Variants in NCKAP1 observed in about 807,000 individuals in gnomAD.
NCKAP1 encodes NCK associated protein 1.
Under a neutral mutation model 151.2 loss-of-function variants are expected in NCKAP1, and 21 were observed. That is an observed-to-expected ratio of 0.14 (90% CI 0.10 to 0.20). The LOEUF is 0.20. Among genes scored for constraint, NCKAP1 ranks in the 10% least tolerant of loss-of-function variants. The pLI, the probability that NCKAP1 is intolerant of heterozygous loss-of-function variation, is 1.00. For missense variants in NCKAP1, 933 were observed against 1,352.1 expected (o/e 0.69, Z 4.86); for synonymous variants, 484 against 451.8 (o/e 1.07, Z -0.90).
At chr2:182,959,540 C>T (rs1311357089) in intron 18 of NCKAP1, among the ~76,000 whole-genome samples, 3 of 152,186 alleles carry the variant, frequency 2.0e-5, no homozygotes, top group Non-Finnish European at 2.9e-5. Flanking sequence ...TTCAACAGCC[C>T]TTTATGCTAA....
intron 2 of NCKAP1, among the ~76,000 whole-genome samples, chr2:183,017,977 C>T (rs780333188): frequency 3.3e-5 from 5 of 152,052 alleles, no homozygotes; most frequent in African/African-American, 4.8e-5. Flanking sequence ...TGGCCGGGTG[C>T]GGTGGCTCAT....
intron 29 of NCKAP1, 169 bp from the exon 30 acceptor site, chr2:182,927,074 T>C (rs1696663559): frequency 7.9e-6 from 4 of 505,754 alleles, no homozygotes; most frequent in Non-Finnish European, 1.0e-5. Context: ...AGCAGTAATT[T>C]AGAGAGTAAT....
In NCKAP1 at chr2:182,991,844, A is replaced by C. The variant is rs568986654; in HGVS notation, c.791-2658T>G. Among the ~76,000 whole-genome samples the C allele has an allele frequency of 7.0e-4, 107 of 152,304 alleles. 1 individual carries two copies. Among genetic ancestry groups the C allele is most frequent in the Non-Finnish European group, 8.7e-4 (59 of 68,024 alleles). ...AAAATCTTTCCTAAGGAGTCTCCCA[A>C]GTCCAATCAACAGACCCAAAAATGA... On this transcript the variant is annotated intron_variant, in intron 8 of 30. Transcript: ENST00000361354.
At chr2:183,037,308 G>A (rs930797770) in intron 1 of NCKAP1, among the ~76,000 whole-genome samples, 14 of 152,166 alleles carry the variant, frequency 9.2e-5, no homozygotes, top group African/African-American at 3.4e-4. Context: ...GGAGTACAGG[G>A]GAAAGAGTAG....
chr2:182,951,679 G>A (rs4414644), intron 23 of NCKAP1, among the ~76,000 whole-genome samples: 98,322 of 146,568 alleles, frequency 0.67, 36,087 homozygotes, highest in East Asian at 0.96. Context: ...AAAATATCAA[G>A]ACTCAAGTAA....
chr2:183,012,645 AGTCTCACT>A (rs1266551221), intron 2 of NCKAP1, among the ~76,000 whole-genome samples: 1 of 146,946 alleles, frequency 6.8e-6, no homozygotes, highest in Non-Finnish European at 1.5e-5. Context: ...TTTTAGACAG[AGTCTCACT>A]CTGTCCCAGA....
intron 1 of NCKAP1, among the ~76,000 whole-genome samples, chr2:183,035,757 T>G (rs907094841): frequency 3.9e-5 from 6 of 152,168 alleles, no homozygotes; most frequent in Non-Finnish European, 7.4e-5. Context: ...TTCATTTACA[T>G]GCAAAATTAC....
intron 18 of NCKAP1, among the ~76,000 whole-genome samples, chr2:182,959,716 C>T (rs529223469): frequency 4.4e-4 from 67 of 152,258 alleles, no homozygotes; most frequent in African/African-American, 1.6e-3. Flanking sequence ...CTATTCAACA[C>T]AGTGTTGGAA....
Position 183,038,448 on chromosome 2 carries a change from G to C in NCKAP1, c.-349C>G, listed in dbSNP as rs1008669447. 4.9e-5 allele frequency: 9 copies of C among 184,048 alleles called. No individual in the cohort carries two copies. In the South Asian group the frequency reaches 1.1e-3, roughly 22 times the overall value. The allele number at this position is 184,048 out of a possible 1,614,324, so 11.4% of individuals were successfully genotyped here. On this transcript the variant is annotated 5_prime_UTR_variant, in exon 1 of 31. Coordinates refer to ENST00000361354, the MANE Select transcript of NCKAP1 (RefSeq NM_013436.5). ...CGGCGGCGGCGGCGGCGGCGTCTCC[G>C]GCGGCTGAGAACGAGGCCGCTTCCC...
intron 15 of NCKAP1, among the ~76,000 whole-genome samples, chr2:182,968,572 T>TGATAAAATAGAGGGTTCC (rs1320719358): frequency 2.6e-5 from 4 of 152,196 alleles, no homozygotes; most frequent in African/African-American, 9.7e-5. Flanking sequence ...TTACAGCTGA[T>TGATAAAATAGAGGGTTCC]GATAAAATAG....
In NCKAP1 at chr2:182,914,890, A is replaced by G. The variant is rs1696443627; in HGVS notation, c.*10812T>C. Reference sequence around the variant, plus strand: ...GCTTTGGGTGCTCAGAGGAGCATTGACTACCTTTTCCATCCCTTCCCTTTA... The same window carrying G: ...GCTTTGGGTGCTCAGAGGAGCATTGGCTACCTTTTCCATCCCTTCCCTTTA... On this transcript the variant is annotated 3_prime_UTR_variant, in exon 31 of 31. Coordinates refer to ENST00000361354, the MANE Select transcript of NCKAP1 (RefSeq NM_013436.5). 1 of 152,206 alleles carries G rather than the reference A, an allele frequency of 6.6e-6. No homozygotes were observed. The highest frequency in any genetic ancestry group is 2.4e-5 in the African/African-American group (1 of 41,448). 9.4% of individuals were successfully genotyped at this position (152,206 alleles called of 1,614,324 possible).
At chr2:182,981,990 AAAG>A (rs922165738) in intron 12 of NCKAP1, among the ~76,000 whole-genome samples, 26 of 151,984 alleles carry the variant, frequency 1.7e-4, no homozygotes, top group African/African-American at 4.6e-4. Context: ...ATCTCAAATA[AAAG>A]AAGATTAGCA....
At chr2:182,937,483 AG>A (rs1696902268) in intron 24 of NCKAP1, among the ~76,000 whole-genome samples, 2 of 152,184 alleles carry the variant, frequency 1.3e-5, no homozygotes, top group African/African-American at 4.8e-5. Context: ...ACAGAGAGGG[AG>A]GTAATGCCAG....
At chr2:183,032,040 T>C (rs567933695) in intron 1 of NCKAP1, among the ~76,000 whole-genome samples, 18 of 152,304 alleles carry the variant, frequency 1.2e-4, no homozygotes, top group South Asian at 1.0e-3. Flanking sequence ...GTAGTTAACA[T>C]TGGAACAATT....
intron 1 of NCKAP1, among the ~76,000 whole-genome samples, chr2:183,026,429 C>T (rs1011314662): frequency 5.3e-5 from 8 of 150,740 alleles, no homozygotes; most frequent in Non-Finnish European, 7.4e-5. Context: ...GCTGTAATCA[C>T]ACCACTGTAC....
At chr2:182,977,478 G>A (rs997161365) in intron 14 of NCKAP1, among the ~76,000 whole-genome samples, 1 of 152,060 alleles carries the variant, frequency 6.6e-6, no homozygotes, top group Non-Finnish European at 1.5e-5. Context: ...CAACAGAGCG[G>A]GACTGGGTCT....
At chr2:182,957,390 T>C in intron 19 of NCKAP1, 67 bp downstream of exon 19, 3 of 1,497,082 alleles carry the variant, frequency 2.0e-6, no homozygotes, top group Non-Finnish European at 9.0e-7. Flanking sequence ...AGTACTAATG[T>C]CAATAGAAAA....
At chr2:182,940,214 AATGGGAGAAAAC>A (rs1295534154) in intron 24 of NCKAP1, among the ~76,000 whole-genome samples, 1 of 152,168 alleles carries the variant, frequency 6.6e-6, no homozygotes, top group Admixed American at 6.5e-5. Flanking sequence ...AGTATTAAAA[AATGGGAGAAAAC>A]ATGAAAAAAA....
chr2:182,935,211 AAT>A, intron 25 of NCKAP1, 80 bp downstream of exon 25: 1 of 945,792 alleles, frequency 1.1e-6, no homozygotes, highest in Non-Finnish European at 1.6e-6. Context: ...GCTAAGCATG[AAT>A]CTGAAACTTA....
Sources: gnomAD v4.1 joint callset for allele counts (sites outside exome capture counted in the v4.1 genomes callset) on GRCh38, gnomAD v4.1.1 for gene constraint, MANE v1.5 for transcripts, NCBI Gene and HGNC (gene_info 2026-07-23, HGNC 2026-07-21) for gene names.